AFF2: variants seen among roughly 807,000 people sequenced by gnomAD.
AFF2 encodes ALF transcription elongation factor 2.
Under a neutral mutation model 76.9 loss-of-function variants are expected in AFF2, and 14 were observed. The ratio of observed to expected loss-of-function variants is 0.18; its 90% CI spans 0.12 to 0.28. The LOEUF is 0.28. AFF2 is among the 10% of genes least tolerant of loss of function. The pLI, the probability that AFF2 is intolerant of heterozygous loss-of-function variation, is 1.00. For missense variants in AFF2, 868 were observed against 1,001.1 expected (o/e 0.87, Z 1.79); for synonymous variants, 398 against 366.7 (o/e 1.09, Z -0.98).
chrX:148,777,296 T>G (rs2069679892), intron 3 of AFF2, among the ~76,000 whole-genome samples: 1 of 112,132 alleles, frequency 8.9e-6, no homozygotes, highest in Admixed American at 9.5e-5. Flanking sequence ...GTGTGATGCC[T>G]CCAGCTTTGT....
At position 148,999,262 on chromosome X, in the gene AFF2, T is replaced by C. The variant is rs1394255917; in HGVS notation, c.*7930T>C. On this transcript the variant is annotated 3_prime_UTR_variant, in exon 21 of 21. Transcript: ENST00000370460. ...TGTATCTAACAGGCACATTCACGTCTCGTGTACTCATATGAAGTATTTCCT... is the reference window on the plus strand; with the variant it reads ...TGTATCTAACAGGCACATTCACGTCCCGTGTACTCATATGAAGTATTTCCT... 1 of 111,456 alleles carries C rather than the reference T, an allele frequency of 9.0e-6. No homozygotes were observed. Among genetic ancestry groups the C allele is most frequent in the Non-Finnish European group, 1.9e-5 (1 of 53,135 alleles). The allele number at this position is 111,456 out of a possible 1,213,427, so 9.2% of individuals were successfully genotyped here.
In AFF2 at chrX:148,956,227, C is replaced by T. The variant is rs199773486; in HGVS notation, c.2182C>T (p.Leu728=). 6.6e-6 allele frequency: 8 copies of T among 1,211,629 alleles called. No individual in the cohort carries two copies. In the African/African-American group the frequency reaches 8.7e-5, roughly 13 times the overall value. ...CTCCAACACAGATCAGGAAGAGACCCTGCAAATCAAAGTCCTGCCTCCGTG... is the reference window on the plus strand; with the variant it reads ...CTCCAACACAGATCAGGAAGAGACCTTGCAAATCAAAGTCCTGCCTCCGTG... ...SDSNTDQEET[L]QIKVLPPCII... is the part of the protein sequence containing the mutation. The change falls in exon 11 of 21, where the codon CTG becomes TTG. Residue 728 remains leucine, a synonymous_variant. Transcript: ENST00000370460.
intron 3 of AFF2, among the ~76,000 whole-genome samples, chrX:148,688,864 A>G (rs1395204905): frequency 8.9e-6 from 1 of 111,770 alleles, no homozygotes; most frequent in Non-Finnish European, 1.9e-5. Flanking sequence ...GTGTATCTAA[A>G]CATATCTAAA....
intron 3 of AFF2, among the ~76,000 whole-genome samples, chrX:148,795,276 T>C (rs916381695): frequency 1.6e-4 from 18 of 111,211 alleles, no homozygotes; most frequent in African/African-American, 5.6e-4. Context: ...AAGGGGTAAA[T>C]ATCTTCACTT....
At chrX:148,743,000 T>C (rs1188375021) in intron 3 of AFF2, among the ~76,000 whole-genome samples, 1 of 112,218 alleles carries the variant, frequency 8.9e-6, no homozygotes, top group African/African-American at 3.2e-5. Context: ...TTTGTGTTTC[T>C]TGACAGAGGT....
intron 1 of AFF2, among the ~76,000 whole-genome samples, chrX:148,627,027 A>G (rs1311111720): frequency 3.6e-5 from 4 of 110,661 alleles, no homozygotes; most frequent in Admixed American, 1.9e-4. Context: ...TGAGCAATCT[A>G]GCACTCCATC....
chrX:148,811,031 C>T (rs191248534), intron 4 of AFF2, among the ~76,000 whole-genome samples: 15 of 111,368 alleles, frequency 1.3e-4, no homozygotes, highest in Non-Finnish European at 2.8e-4. Flanking sequence ...CTGATGTACA[C>T]ATTCGTGCAC....
chrX:148,600,860 A>C (rs1247913965), intron 1 of AFF2, among the ~76,000 whole-genome samples: 1 of 112,314 alleles, frequency 8.9e-6, no homozygotes, highest in Non-Finnish European at 1.9e-5. Context: ...ACATATTTGG[A>C]AATATTTTAA....
At chrX:148,569,373 G>A (rs1288149248) in intron 1 of AFF2, among the ~76,000 whole-genome samples, 1 of 111,176 alleles carries the variant, frequency 9.0e-6, no homozygotes, top group South Asian at 3.7e-4. Flanking sequence ...AGCTTTTAGC[G>A]GTCGTTTCTT....
chrX:148,513,282 G>A (rs1210547131), intron 1 of AFF2, among the ~76,000 whole-genome samples: 8 of 111,832 alleles, frequency 7.2e-5, no homozygotes, highest in African/African-American at 2.6e-4. Context: ...TGACCCTGGG[G>A]TTGGGAGAGT....
rs200156128 is a variant in AFF2, at chrX:148,581,546, C to A, written c.48-70453C>A. 3.0e-3 allele frequency among the ~76,000 whole-genome samples: 195 copies of A among 64,462 alleles called. 11 individuals are homozygous for A. The highest frequency in any genetic ancestry group is 0.011 in the African/African-American group (130 of 12,260). 56.0% of individuals were successfully genotyped at this position (64,462 alleles called of 115,157 possible). ...TGTACACACATATATACGTATACGT[C>A]TACGTGTACACACATATATACGTAT... On this transcript the variant is annotated intron_variant, in intron 1 of 20. Transcript: ENST00000370460.
At chrX:148,809,629 A>G (rs1439780746) in intron 3 of AFF2, among the ~76,000 whole-genome samples, 1 of 112,027 alleles carries the variant, frequency 8.9e-6, no homozygotes, top group Non-Finnish European at 1.9e-5. Context: ...GGGATGGGGG[A>G]TGGGTCAGTG....
chrX:148,683,820 A>T (rs241129), intron 3 of AFF2, among the ~76,000 whole-genome samples: 19,308 of 111,151 alleles, frequency 0.17, 1,269 homozygotes, highest in Non-Finnish European at 0.2. Context: ...AGAGACTTTC[A>T]GTTGGCTTGT....
At chrX:148,714,628 G>A (rs1557263187) in intron 3 of AFF2, among the ~76,000 whole-genome samples, 1 of 111,319 alleles carries the variant, frequency 9.0e-6, no homozygotes, top group African/African-American at 3.3e-5. Context: ...AATTGAACAA[G>A]TATATACCAT....
intron 3 of AFF2, among the ~76,000 whole-genome samples, chrX:148,806,174 A>G (rs2070129882): frequency 8.9e-6 from 1 of 112,735 alleles, no homozygotes; most frequent in Admixed American, 9.3e-5. Flanking sequence ...TAACTCCTCC[A>G]GAATTACTGC....
intron 11 of AFF2, among the ~76,000 whole-genome samples, chrX:148,957,033 T>A (rs550617784): frequency 8.9e-6 from 1 of 112,553 alleles, no homozygotes; most frequent in South Asian, 3.7e-4. Context: ...CCTGCTGGGA[T>A]CACTGATCTA....
At chrX:148,606,499 T>TAA (rs11404264) in intron 1 of AFF2, among the ~76,000 whole-genome samples, 64 of 103,417 alleles carry the variant, frequency 6.2e-4, no homozygotes, top group South Asian at 2.2e-3. Flanking sequence ...TCAAAATAAT[T>TAA]AAAAAAAAAA....
chrX:148,648,139 G>A (rs2054161589), intron 1 of AFF2, among the ~76,000 whole-genome samples: 1 of 112,249 alleles, frequency 8.9e-6, no homozygotes, highest in South Asian at 3.7e-4. Flanking sequence ...CCACTAGCTT[G>A]ATGACGGCTT....
chrX:148,625,570 C>T (rs1280962890), intron 1 of AFF2, among the ~76,000 whole-genome samples: 1 of 110,709 alleles, frequency 9.0e-6, no homozygotes, highest in Non-Finnish European at 1.9e-5. Flanking sequence ...CTGCCTGTCC[C>T]TTCCTCCTCT....
Sources: allele counts gnomAD v4.1 joint callset (sites outside exome capture counted in the v4.1 genomes callset), GRCh38; gene constraint gnomAD v4.1.1; transcripts MANE v1.5; gene names NCBI Gene and HGNC (gene_info 2026-07-23, HGNC 2026-07-21).